Variants in MDFIC2 observed in about 807,000 individuals in gnomAD.
MDFIC2 encodes myoD family inhibitor domain-containing protein 2.
chr3:70,283,284 G>A (rs1702106985), intron 2 of MDFIC2, among the ~76,000 whole-genome samples: 1 of 151,950 alleles, frequency 6.6e-6, no homozygotes, highest in Non-Finnish European at 1.5e-5. Context: ...ATTGCTTTTT[G>A]GTTGGTCTGT....
At chr3:70,219,672 C>G (rs1701444749) in intron 2 of MDFIC2, among the ~76,000 whole-genome samples, 1 of 152,068 alleles carries the variant, frequency 6.6e-6, no homozygotes, top group South Asian at 2.1e-4. Flanking sequence ...ATTGAAATGA[C>G]AGAATTAAAA....
At chr3:70,221,017 C>T (rs1369031443) in intron 2 of MDFIC2, among the ~76,000 whole-genome samples, 1 of 152,112 alleles carries the variant, frequency 6.6e-6, no homozygotes, top group East Asian at 1.9e-4. Flanking sequence ...GGCTGCTAGT[C>T]TATTTGCTTT....
chr3:70,234,078 TACAC>T (rs975359036), intron 2 of MDFIC2, among the ~76,000 whole-genome samples: 3 of 152,158 alleles, frequency 2.0e-5, no homozygotes, highest in Non-Finnish European at 4.4e-5. Flanking sequence ...AAAATTCTGA[TACAC>T]ACATTAAGAA....
chr3:70,224,082 G>A (rs966445182), intron 2 of MDFIC2, among the ~76,000 whole-genome samples: 1 of 152,030 alleles, frequency 6.6e-6, no homozygotes, highest in Admixed American at 6.6e-5. Context: ...ACAAACACCA[G>A]GTTAGTGTAA....
At chr3:70,265,364 A>T (rs866270686) in intron 2 of MDFIC2, among the ~76,000 whole-genome samples, 15 of 152,346 alleles carry the variant, frequency 9.8e-5, no homozygotes, top group Admixed American at 7.2e-4. Context: ...AGAGCAGGAA[A>T]GGCATCAATT....
At chr3:70,295,673 C>T (rs1254887141) in intron 2 of MDFIC2, among the ~76,000 whole-genome samples, 2 of 152,104 alleles carry the variant, frequency 1.3e-5, no homozygotes, top group Admixed American at 1.3e-4. Flanking sequence ...GCTTGAGTGA[C>T]AGTGTGAGAC....
At chr3:70,295,683 C>A (rs922144418) in intron 2 of MDFIC2, among the ~76,000 whole-genome samples, 2 of 152,162 alleles carry the variant, frequency 1.3e-5, no homozygotes, top group South Asian at 4.1e-4. Context: ...CAGTGTGAGA[C>A]CCTATCTCAA....
chr3:70,227,666 A>G (rs1295183783), intron 2 of MDFIC2, among the ~76,000 whole-genome samples: 3 of 152,212 alleles, frequency 2.0e-5, no homozygotes, highest in African/African-American at 7.2e-5. Context: ...ATACTACTTA[A>G]CAATTTCTAC....
At chr3:70,236,138 C>A (rs1701606490) in intron 2 of MDFIC2, among the ~76,000 whole-genome samples, 1 of 152,198 alleles carries the variant, frequency 6.6e-6, no homozygotes, top group Non-Finnish European at 1.5e-5. Flanking sequence ...GACCTGTTGA[C>A]CTTATTCATT....
chr3:70,270,673 T>G (rs1336673797), intron 2 of MDFIC2, among the ~76,000 whole-genome samples: 1 of 152,182 alleles, frequency 6.6e-6, no homozygotes, highest in Non-Finnish European at 1.5e-5. Context: ...TAAAATTGTA[T>G]TTTTAAAATA....
chr3:70,267,102 G>C (rs1701922905), intron 2 of MDFIC2, among the ~76,000 whole-genome samples: 1 of 152,148 alleles, frequency 6.6e-6, no homozygotes, highest in Non-Finnish European at 1.5e-5. Context: ...TTGCTAGCTG[G>C]GGAGGGGGTG....
intron 2 of MDFIC2, among the ~76,000 whole-genome samples, chr3:70,220,794 C>T (rs985251225): frequency 3.3e-5 from 5 of 152,156 alleles, no homozygotes; most frequent in South Asian, 4.1e-4. Context: ...CTCTCTGAAG[C>T]GTTCCTAGAC....
At chr3:70,234,424 G>A (rs182021541) in intron 2 of MDFIC2, among the ~76,000 whole-genome samples, 5 of 152,126 alleles carry the variant, frequency 3.3e-5, no homozygotes, top group African/African-American at 1.2e-4. Flanking sequence ...TGAGGTAGGT[G>A]GATTTCTTGA....
chr3:70,206,546 G>T (rs1005301528), intron 3 of MDFIC2, 23 bp downstream of exon 3: 1 of 397,394 alleles, frequency 2.5e-6, no homozygotes, highest in Non-Finnish European at 4.4e-6. Context: ...ATTTAGAGAT[G>T]GGTTGAATTC....
chr3:70,245,345 C>T (rs956499814), intron 2 of MDFIC2, among the ~76,000 whole-genome samples: 3 of 151,756 alleles, frequency 2.0e-5, no homozygotes. Context: ...CAACTTAAAG[C>T]TTTAACAAAA....
intron 2 of MDFIC2, among the ~76,000 whole-genome samples, chr3:70,234,362 T>G (rs1322665431): frequency 6.6e-6 from 1 of 152,220 alleles, no homozygotes; most frequent in African/African-American, 2.4e-5. Flanking sequence ...AAAATTCCAG[T>G]GCTAGGCTAG....
chr3:70,293,007 G>A (rs1172941124), intron 2 of MDFIC2, among the ~76,000 whole-genome samples: 2 of 133,822 alleles, frequency 1.5e-5, no homozygotes, highest in Middle Eastern at 4.6e-3. Context: ...CTATTTGCAG[G>A]TAGTACAGTG....
intron 2 of MDFIC2, among the ~76,000 whole-genome samples, chr3:70,281,732 G>C (rs1284754581): frequency 1.3e-5 from 2 of 152,024 alleles, no homozygotes; most frequent in African/African-American, 4.8e-5. Flanking sequence ...TCTCGTCTTT[G>C]GAATTCCGAT....
chr3:70,269,283 G>A (rs533280052), intron 2 of MDFIC2, among the ~76,000 whole-genome samples: 5 of 152,298 alleles, frequency 3.3e-5, no homozygotes, highest in African/African-American at 1.2e-4. Flanking sequence ...GTTAAATTAA[G>A]TTTAGCCTAA....
Sources: gnomAD v4.1 joint callset for allele counts (sites outside exome capture counted in the v4.1 genomes callset) on GRCh38, gnomAD v4.1.1 for gene constraint, MANE v1.5 for transcripts, NCBI Gene and HGNC (gene_info 2026-07-23, HGNC 2026-07-21) for gene names.